Variants in GSN observed in about 807,000 individuals in gnomAD.
The protein encoded by GSN is gelsolin.
In GSN, 56 loss-of-function variants were observed where a neutral mutation model predicts 85.7. That is an observed-to-expected ratio of 0.65 (90% CI 0.53 to 0.82). The LOEUF (loss-of-function observed/expected upper bound fraction) is 0.82. Among genes scored for constraint, GSN ranks in the 40% least tolerant of loss-of-function variants. The pLI, the probability that GSN is intolerant of heterozygous loss-of-function variation, is 0.00. For synonymous variants in GSN, 373 were observed against 399.1 expected (o/e 0.93, Z 0.78); for missense variants, 857 against 979.8 (o/e 0.87, Z 1.67).
intron 4 of GSN, among the ~76,000 whole-genome samples, chr9:121,215,222 C>G (rs1046437867): frequency 2.1e-4 from 32 of 150,178 alleles, no homozygotes; most frequent in Non-Finnish European, 4.2e-4. Context: ...AGGACCCCCC[C>G]CCCCACACTC....
chr9:121,268,540 G>A (rs373177983), intron 1 of GSN, among the ~76,000 whole-genome samples: 4 of 152,228 alleles, frequency 2.6e-5, no homozygotes, highest in African/African-American at 9.6e-5. Context: ...ACTGGCCCGG[G>A]GTCACCCCTG....
At chr9:121,289,640 G>A (rs2058496248) in intron 2 of GSN, among the ~76,000 whole-genome samples, 1 of 152,184 alleles carries the variant, frequency 6.6e-6, no homozygotes, top group East Asian at 1.9e-4. Context: ...TGTCTCATTT[G>A]CATAAAGCCC....
rs182032411 is a variant in GSN at position 121,278,594 on chromosome 9, T to C, written c.-102-2876T>C. ...ACAGCTGAGACTATTAGAAGGCGTC[T>C]TCTGTTCCTATGTCCTAGGATGTGA... is the stretch of plus-strand genomic sequence containing the variant. On this transcript the variant is annotated intron_variant, in intron 1 of 17. Coordinates refer to ENST00000432226, the MANE Select transcript of GSN (RefSeq NM_198252.3). 1.3e-3 allele frequency among the ~76,000 whole-genome samples: 202 copies of C among 152,318 alleles called. 1 individual carries two copies. Among genetic ancestry groups the C allele is most frequent in the African/African-American group, 4.6e-3 (192 of 41,558 alleles).
chr9:121,226,884 AAT>A (rs368787507), intron 4 of GSN, among the ~76,000 whole-genome samples: 102 of 152,328 alleles, frequency 6.7e-4, no homozygotes, highest in African/African-American at 2.2e-3. Flanking sequence ...AAATGCAGTT[AAT>A]AATCGATCAT....
intron 10 of GSN, 135 bp from the exon 11 acceptor site, chr9:121,321,133 C>A: frequency 1.0e-6 from 1 of 976,006 alleles, no homozygotes; most frequent in Non-Finnish European, 1.6e-6. Flanking sequence ...AACCATTTAA[C>A]TCCAGTCCGA....
intron 5 of GSN, among the ~76,000 whole-genome samples, chr9:121,233,194 G>T (rs545582385): frequency 1.3e-5 from 2 of 152,096 alleles, no homozygotes; most frequent in African/African-American, 4.8e-5. Flanking sequence ...AGCCAGGCGC[G>T]GTGGCTCATG....
chr9:121,296,207 T>C (rs1281430431), intron 2 of GSN, among the ~76,000 whole-genome samples: 1 of 152,228 alleles, frequency 6.6e-6, no homozygotes, highest in African/African-American at 2.4e-5. Context: ...GAGCTCCTGC[T>C]TGGTCTCCGC....
At chr9:121,274,820 C>A (rs2056466521) in intron 1 of GSN, among the ~76,000 whole-genome samples, 1 of 152,124 alleles carries the variant, frequency 6.6e-6, no homozygotes, top group Non-Finnish European at 1.5e-5. Flanking sequence ...GGATGAGGAG[C>A]CTGATCAGAT....
intron 2 of GSN, among the ~76,000 whole-genome samples, chr9:121,295,965 A>G (rs1229502815): frequency 6.6e-6 from 1 of 152,204 alleles, no homozygotes; most frequent in East Asian, 1.9e-4. Context: ...CCAGTCCTGC[A>G]CTAAATGGCC....
chr9:121,332,307 T>G lies in GSN; in HGVS notation c.2027-127T>G. The G allele has an allele frequency of 2.3e-6, 2 of 873,170 alleles. No homozygotes were observed. Among genetic ancestry groups the G allele is most frequent in the Non-Finnish European group, 3.9e-6 (2 of 512,098 alleles). The allele number at this position is 873,170 out of a possible 1,614,324, so 54.1% of individuals were successfully genotyped here. ...GGAGGATGGTGCCCAGGGCAGGGGG[T>G]GGGCAGTAGGGACAGTAGGACCATA... On this transcript the variant is annotated intron_variant, in intron 17 of 17. Coordinates refer to ENST00000432226, the MANE Select transcript of GSN (RefSeq NM_198252.3). The surrounding 1 kb of genome is among the most constrained non-coding windows in gnomAD (Gnocchi z 4.8).
At chr9:121,214,495 A>G (rs1277684894) in intron 4 of GSN, among the ~76,000 whole-genome samples, 1 of 152,240 alleles carries the variant, frequency 6.6e-6, no homozygotes, top group Non-Finnish European at 1.5e-5. Flanking sequence ...CCACAAAACA[A>G]GGCCTGGTTC....
chr9:121,322,570 A>G (rs2062610563), intron 11 of GSN, among the ~76,000 whole-genome samples: 1 of 152,224 alleles, frequency 6.6e-6, no homozygotes, highest in African/African-American at 2.4e-5. Flanking sequence ...CAGAAGTCAG[A>G]TTGCTGGGTC....
chr9:121,302,197 C>T (rs376312851), intron 3 of GSN, 30 bp downstream of exon 3: 5 of 1,611,960 alleles, frequency 3.1e-6, no homozygotes, highest in East Asian at 4.5e-5. Context: ...GCCCCTGCCC[C>T]AGCCCCCATT....
At chr9:121,211,154 G>T (rs1214192749) in intron 4 of GSN, among the ~76,000 whole-genome samples, 1 of 152,164 alleles carries the variant, frequency 6.6e-6, no homozygotes, top group Non-Finnish European at 1.5e-5. Context: ...ATTGGAAGGT[G>T]GTTCCCCTGG....
At chr9:121,238,931 C>T (rs190681542) in intron 5 of GSN, 40 of 537,060 alleles carry the variant, frequency 7.4e-5, no homozygotes, top group African/African-American at 6.9e-4. Context: ...ATCCCTTCTC[C>T]AATAGCAGAC....
upstream of GSN, among the ~76,000 whole-genome samples, chr9:121,206,615 T>A (rs1446329829): frequency 6.6e-6 from 1 of 152,312 alleles, no homozygotes. Context: ...AGCTTGAAAT[T>A]TTCCCAGGAA....
Position 121,325,823 on chromosome 9 carries a change from A to G in GSN, c.1417-689A>G, listed in dbSNP as rs1425969816. On this transcript the variant is annotated intron_variant, in intron 12 of 17. Coordinates refer to ENST00000432226, the MANE Select transcript of GSN (RefSeq NM_198252.3). ...CCTTGGCTGCATTTTTCAGAGGAGG[A>G]ACTCAAGAGGTTGAGACACGTGCCC... 2.6e-5 allele frequency among the ~76,000 whole-genome samples: 4 copies of G among 152,046 alleles called. No homozygotes were observed. In the East Asian group the frequency reaches 7.7e-4, roughly 29 times the overall value.
At chr9:121,309,707 A>G (rs2060851714) in intron 4 of GSN, 1 of 151,922 alleles carries the variant, frequency 6.6e-6, no homozygotes. Context: ...TCAGTGACTC[A>G]CTCCTGTAAT....
upstream of GSN, among the ~76,000 whole-genome samples, chr9:121,205,996 CT>C (rs1471665166): frequency 6.6e-6 from 1 of 151,622 alleles, no homozygotes. Flanking sequence ...CCCCCTACCC[CT>C]ATGCTTGAAT....
Sources: allele counts gnomAD v4.1 joint callset (sites outside exome capture counted in the v4.1 genomes callset), GRCh38; gene constraint gnomAD v4.1.1; non-coding constraint Gnocchi (gnomAD v3.1); transcripts MANE v1.5; gene names NCBI Gene and HGNC (gene_info 2026-07-23, HGNC 2026-07-21).